Variants in MEIKIN observed in about 807,000 individuals in gnomAD.
MEIKIN encodes the protein meiotic kinetochore factor.
At chr5:131,874,166 G>A (rs973703696) in intron 9 of MEIKIN, among the ~76,000 whole-genome samples, 6 of 152,140 alleles carry the variant, frequency 3.9e-5, no homozygotes, top group African/African-American at 1.4e-4. Flanking sequence ...GAAGGAAATA[G>A]AGACACAAAA....
intron 8 of MEIKIN, among the ~76,000 whole-genome samples, chr5:131,906,576 C>T (rs1381860633): frequency 6.6e-6 from 1 of 151,996 alleles, no homozygotes; most frequent in Non-Finnish European, 1.5e-5. Flanking sequence ...ACATATTTAT[C>T]ACAGCATTAT....
At chr5:131,838,235 G>A (rs1749844383) in intron 11 of MEIKIN, among the ~76,000 whole-genome samples, 2 of 152,184 alleles carry the variant, frequency 1.3e-5, no homozygotes, top group Middle Eastern at 3.4e-3. Context: ...TTTTTGATAT[G>A]CTGCTGGAAT....
chr5:131,858,754 T>C (rs1273594906), intron 9 of MEIKIN, among the ~76,000 whole-genome samples: 1 of 151,976 alleles, frequency 6.6e-6, no homozygotes, highest in Non-Finnish European at 1.5e-5. Context: ...ACAGCTCCAT[T>C]AAAAAGTGGG....
At chr5:131,921,244 G>A (rs912368024) in intron 6 of MEIKIN, among the ~76,000 whole-genome samples, 1 of 152,198 alleles carries the variant, frequency 6.6e-6, no homozygotes, top group Non-Finnish European at 1.5e-5. Context: ...GAGTGCAATG[G>A]CTCATGCCTA....
intron 5 of MEIKIN, 88 bp downstream of exon 5, chr5:131,933,425 C>T (rs948002784): frequency 7.8e-6 from 3 of 386,530 alleles, no homozygotes; most frequent in African/African-American, 2.1e-5. Flanking sequence ...TATGCCTTCT[C>T]GAAAGGGACG....
At chr5:131,841,728 T>C (rs1428225434) in intron 11 of MEIKIN, among the ~76,000 whole-genome samples, 3 of 152,236 alleles carry the variant, frequency 2.0e-5, no homozygotes, top group Admixed American at 6.5e-5. Flanking sequence ...TGAAATGGTA[T>C]ATCATTACAT....
At chr5:131,850,912 C>T (rs149737785) in intron 11 of MEIKIN, among the ~76,000 whole-genome samples, 181 of 151,830 alleles carry the variant, frequency 1.2e-3, no homozygotes, top group African/African-American at 4.3e-3. Flanking sequence ...TGCACCCTGG[C>T]ACTCCAGCAG....
chr5:131,835,644 A>C (rs943398635), intron 11 of MEIKIN, among the ~76,000 whole-genome samples: 1 of 152,016 alleles, frequency 6.6e-6, no homozygotes, highest in African/African-American at 2.4e-5. Context: ...CCCAGGCTGG[A>C]GTGCAGTGGT....
At chr5:131,827,350 G>C (rs1250866085) in intron 11 of MEIKIN, among the ~76,000 whole-genome samples, 1 of 152,098 alleles carries the variant, frequency 6.6e-6, no homozygotes, top group Admixed American at 6.6e-5. Flanking sequence ...AAAAAAACTG[G>C]ATGAAAGGAA....
rs890313936 is a variant in MEIKIN, at chr5:131,852,066, A to C, written c.856-683T>G. ...ATAAATGCGCATAAACTGAATTGAT[A>C]AACAAAATATGGTATATGTATATAA... On this transcript the variant is annotated intron_variant, in intron 10 of 12. Transcript: ENST00000442687. Among the ~76,000 whole-genome samples, 54 of 152,222 alleles carry C rather than the reference A, an allele frequency of 3.5e-4. 1 individual carries two copies. Among genetic ancestry groups the C allele is most frequent in the Admixed American group, 1.8e-3 (28 of 15,276 alleles).
intron 9 of MEIKIN, among the ~76,000 whole-genome samples, chr5:131,870,738 A>G (rs578174727): frequency 1.3e-5 from 2 of 152,174 alleles, no homozygotes; most frequent in Non-Finnish European, 2.9e-5. Context: ...AGGCAAAATT[A>G]TCTTGAATAC....
intron 8 of MEIKIN, among the ~76,000 whole-genome samples, chr5:131,891,963 C>T (rs1023552903): frequency 1.3e-5 from 2 of 152,204 alleles, no homozygotes; most frequent in Non-Finnish European, 2.9e-5. Flanking sequence ...TTTATTTCTC[C>T]TTCACTTATG....
At chr5:131,902,013 T>C (rs138795961) in intron 8 of MEIKIN, among the ~76,000 whole-genome samples, 3 of 152,280 alleles carry the variant, frequency 2.0e-5, no homozygotes, top group African/African-American at 4.8e-5. Flanking sequence ...GTTATCATGA[T>C]AGTGAGTTCT....
At chr5:131,840,810 G>C (rs1749892522) in intron 11 of MEIKIN, among the ~76,000 whole-genome samples, 2 of 151,986 alleles carry the variant, frequency 1.3e-5, no homozygotes, top group South Asian at 4.1e-4. Context: ...CATCTCAATT[G>C]TCTTCATTCT....
intron 5 of MEIKIN, among the ~76,000 whole-genome samples, chr5:131,924,035 T>C (rs1185695570): frequency 6.6e-6 from 1 of 152,154 alleles, no homozygotes; most frequent in Non-Finnish European, 1.5e-5. Flanking sequence ...TCTGCTTCTA[T>C]GAGTTTGGCT....
At chr5:131,846,868 TAAC>T (rs1427907934) in intron 11 of MEIKIN, among the ~76,000 whole-genome samples, 3 of 114,654 alleles carry the variant, frequency 2.6e-5, no homozygotes, top group African/African-American at 1.0e-4. Flanking sequence ...ATAAAAATGT[TAAC>T]ATCATCATCT....
intron 8 of MEIKIN, among the ~76,000 whole-genome samples, chr5:131,897,906 A>G (rs916298980): frequency 1.1e-4 from 16 of 152,112 alleles, no homozygotes; most frequent in Non-Finnish European, 2.4e-4. Context: ...ACTTCCGTCA[A>G]CTCATCAAAG....
intron 9 of MEIKIN, among the ~76,000 whole-genome samples, chr5:131,859,918 A>AT (rs1329969940): frequency 1.3e-5 from 2 of 151,832 alleles, no homozygotes; most frequent in Non-Finnish European, 2.9e-5. Context: ...CTCTGTGTCT[A>AT]TTTTTCTACC....
chr5:131,813,833 C>T (rs542856703), intron 12 of MEIKIN, among the ~76,000 whole-genome samples: 23 of 152,088 alleles, frequency 1.5e-4, no homozygotes, highest in South Asian at 1.2e-3. Flanking sequence ...AGAACTAATA[C>T]AATATATATA....
Sources: gnomAD v4.1 joint callset for allele counts (sites outside exome capture counted in the v4.1 genomes callset) on GRCh38, gnomAD v4.1.1 for gene constraint, MANE v1.5 for transcripts, NCBI Gene and HGNC (gene_info 2026-07-23, HGNC 2026-07-21) for gene names.